Variants in CDH13 observed in about 807,000 individuals in gnomAD.
The protein encoded by CDH13 is cadherin-13.
CDH13 carries 24 observed loss-of-function variants against 63.8 expected under a neutral mutation model. The ratio of observed to expected loss-of-function variants is 0.38; its 90% CI spans 0.27 to 0.53. CDH13 has a LOEUF of 0.53. CDH13 is among the 20% of genes least tolerant of loss of function. The pLI is 0.85. For missense variants in CDH13, 1,049 were observed against 903.1 expected, an observed-to-expected ratio of 1.16 and a Z score of -2.07; for synonymous variants, 503 against 355.3, an observed-to-expected ratio of 1.42 and a Z score of -4.67.
At chr16:83,260,014 G>A (rs1906768836) in intron 5 of CDH13, among the ~76,000 whole-genome samples, 1 of 150,642 alleles carries the variant, frequency 6.6e-6, no homozygotes, top group South Asian at 2.1e-4. Context: ...TCTGGTAATA[G>A]TCAAAGATGA....
At chr16:83,662,137 T>A (rs1163001124) in intron 8 of CDH13, among the ~76,000 whole-genome samples, 2 of 152,200 alleles carry the variant, frequency 1.3e-5, no homozygotes, top group Non-Finnish European at 2.9e-5. Flanking sequence ...AGAGGACTCT[T>A]CACTCAGGAC....
intron 2 of CDH13, among the ~76,000 whole-genome samples, chr16:82,930,796 G>A (rs1461099775): frequency 3.3e-5 from 5 of 152,202 alleles, no homozygotes; most frequent in African/African-American, 4.8e-5. Flanking sequence ...GAGAAGGGCA[G>A]TGGGGATTAA....
chr16:83,728,945 G>T, intron 10 of CDH13: 1 of 153,568 alleles, frequency 6.5e-6, no homozygotes, highest in South Asian at 1.8e-4. Context: ...CTGGCTTGCA[G>T]ACAGCCACCT....
Position 83,467,421 on chromosome 16 carries a change from G to A in CDH13, c.782-19056G>A, listed in dbSNP as rs574098071. Among the ~76,000 whole-genome samples, 131 of 152,162 alleles carry A rather than the reference G, an allele frequency of 8.6e-4. No individual in the cohort carries two copies. In the South Asian group the frequency reaches 0.025, roughly 29 times the overall value. ...TCATCTTCCCCAGCCACTTTGCTGC[G>A]TTTCTGAAAAGATAACATAGATGCC... On this transcript the variant is annotated intron_variant, in intron 6 of 13. Transcript: ENST00000567109.
intron 7 of CDH13, among the ~76,000 whole-genome samples, chr16:83,496,964 C>T (rs1380154496): frequency 6.6e-6 from 1 of 152,170 alleles, no homozygotes; most frequent in African/African-American, 2.4e-5. Flanking sequence ...CAATGAGATA[C>T]CATCTCACAC....
intron 9 of CDH13, among the ~76,000 whole-genome samples, chr16:83,676,165 T>A (rs1914937489): frequency 6.6e-6 from 1 of 152,162 alleles, no homozygotes; most frequent in African/African-American, 2.4e-5. Flanking sequence ...GCGGCACAAA[T>A]TGGTTATTTC....
intron 1 of CDH13, among the ~76,000 whole-genome samples, chr16:82,703,347 G>C (rs1036574074): frequency 1.3e-5 from 2 of 152,106 alleles, no homozygotes; most frequent in African/African-American, 4.8e-5. Context: ...ACCCTGAGAT[G>C]TTCTGCCTGA....
chr16:82,845,653 T>G (rs4783291), intron 1 of CDH13, among the ~76,000 whole-genome samples: 12 of 152,066 alleles, frequency 7.9e-5, no homozygotes, highest in Non-Finnish European at 1.5e-4. Context: ...TATTTTCTCA[T>G]TTGAACTCCC....
At chr16:82,810,279 A>C (rs1388542559) in intron 1 of CDH13, among the ~76,000 whole-genome samples, 1 of 152,204 alleles carries the variant, frequency 6.6e-6, no homozygotes, top group Non-Finnish European at 1.5e-5. Flanking sequence ...ACAGCGGCTC[A>C]TTAGGCAGAA....
Position 83,119,045 on chromosome 16 carries a change from C to G in CDH13, c.367-6340C>G, listed in dbSNP as rs77589875. On this transcript the variant is annotated intron_variant, in intron 3 of 13. Transcript: ENST00000567109. ...TCACTGTCCATGTAATCGCCTAGCA[C>G]ACACCAAAAGCTGCTCTTTCTAAAT... 3.9e-3 allele frequency among the ~76,000 whole-genome samples: 592 copies of G among 152,332 alleles called. 2 individuals carry two copies. The highest frequency in any genetic ancestry group is 0.013 in the African/African-American group (532 of 41,566).
intron 2 of CDH13, among the ~76,000 whole-genome samples, chr16:82,956,288 A>G (rs369662068): frequency 1.3e-5 from 2 of 151,628 alleles, no homozygotes; most frequent in East Asian, 1.9e-4. Flanking sequence ...GTCTATCCTC[A>G]TCTTCATCCT....
At chr16:82,865,016 A>C (rs2040077186) in intron 2 of CDH13, among the ~76,000 whole-genome samples, 1 of 152,238 alleles carries the variant, frequency 6.6e-6, no homozygotes. Context: ...AGGGCAGATA[A>C]ATCTTAAAGC....
intron 3 of CDH13, among the ~76,000 whole-genome samples, chr16:83,045,634 T>A (rs1262123007): frequency 1.0e-4 from 11 of 107,952 alleles, no homozygotes; most frequent in African/African-American, 2.2e-4. Flanking sequence ...AAGATTCCTT[T>A]AAAAAAAAAA....
chr16:83,060,144 C>G (rs2031394839), intron 3 of CDH13, among the ~76,000 whole-genome samples: 2 of 152,112 alleles, frequency 1.3e-5, no homozygotes, highest in Admixed American at 1.3e-4. Flanking sequence ...AAATTCCCAA[C>G]TCCTCAAAAA....
intron 7 of CDH13, among the ~76,000 whole-genome samples, chr16:83,547,919 TA>T (rs2075418092): frequency 6.6e-6 from 1 of 152,124 alleles, no homozygotes; most frequent in Non-Finnish European, 1.5e-5. Flanking sequence ...GGAAATGGTA[TA>T]AGACAGCAGA....
intron 2 of CDH13, among the ~76,000 whole-genome samples, chr16:82,918,571 C>T (rs2042064038): frequency 6.8e-6 from 1 of 147,952 alleles, no homozygotes; most frequent in East Asian, 2.0e-4. Context: ...TGCAATGGCA[C>T]TATCTCCGAT....
In CDH13 at chr16:83,421,558, C is replaced by T. The variant is rs553996424; in HGVS notation, c.782-64919C>T. ...TGAAATGAAATGAGATGAGAGTGGG[C>T]AATGGAGAGAAGATTCATGATCTTT... is the stretch of plus-strand genomic sequence containing the variant. On this transcript the variant is annotated intron_variant, in intron 6 of 13. Coordinates refer to ENST00000567109, the MANE Select transcript of CDH13 (RefSeq NM_001257.5). Among the ~76,000 whole-genome samples, 3 of 152,286 alleles carry T rather than the reference C, an allele frequency of 2.0e-5. No individual in the cohort carries two copies. In the South Asian group the frequency reaches 6.2e-4, roughly 32 times the overall value.
intron 1 of CDH13, among the ~76,000 whole-genome samples, chr16:82,787,485 G>C (rs1475710761): frequency 6.6e-6 from 1 of 152,164 alleles, no homozygotes; most frequent in Admixed American, 6.5e-5. Flanking sequence ...AGTGTTTACT[G>C]TGTGCAAAAA....
At chr16:83,061,844 A>G (rs1175024573) in intron 3 of CDH13, among the ~76,000 whole-genome samples, 2 of 152,200 alleles carry the variant, frequency 1.3e-5, no homozygotes, top group Non-Finnish European at 2.9e-5. Context: ...TCAGATGGTC[A>G]ATGCCTGCCT....
Sources: allele counts gnomAD v4.1 joint callset (sites outside exome capture counted in the v4.1 genomes callset), GRCh38; gene constraint gnomAD v4.1.1; transcripts MANE v1.5; gene names NCBI Gene and HGNC (gene_info 2026-07-23, HGNC 2026-07-21).